Variants in EEIG2 observed in about 807,000 individuals in gnomAD.
The protein encoded by EEIG2 is family with sequence similarity 102 member B.
the EEIG2 span, among the ~76,000 whole-genome samples, chr1:108,633,658 A>G: frequency 2.6e-5 from 4 of 151,716 alleles, no homozygotes; most frequent in Non-Finnish European, 5.9e-5. Context: ...TGCTTTTAAG[A>G]TTTTCTGTTT....
chr1:108,601,598 G>A, the EEIG2 span, among the ~76,000 whole-genome samples: 6 of 151,960 alleles, frequency 3.9e-5, no homozygotes, highest in South Asian at 2.1e-4. Flanking sequence ...TAAATTAGGG[G>A]AAAATAGTCA....
the EEIG2 span, among the ~76,000 whole-genome samples, chr1:108,589,328 A>G: frequency 6.6e-6 from 1 of 152,132 alleles, no homozygotes; most frequent in Non-Finnish European, 1.5e-5. Context: ...CACTTTATGC[A>G]TATCCCCATT....
At chr1:108,602,133 C>A in the EEIG2 span, among the ~76,000 whole-genome samples, 2 of 152,188 alleles carry the variant, frequency 1.3e-5, no homozygotes, top group Non-Finnish European at 2.9e-5. Flanking sequence ...GTGAAGACTT[C>A]TCTGAAAGGT....
At chr1:108,612,289 C>A in the EEIG2 span, 1 of 1,594,958 alleles carries the variant, frequency 6.3e-7, no homozygotes, top group Admixed American at 1.7e-5. Context: ...TAATTCCATT[C>A]TTAAAGTAAG....
At chr1:108,603,495 A>T in the EEIG2 span, among the ~76,000 whole-genome samples, 23 of 152,196 alleles carry the variant, frequency 1.5e-4, no homozygotes, top group African/African-American at 5.3e-4. Flanking sequence ...CCCTTCTTGG[A>T]TGAAGGTGAT....
chr1:108,563,892 G>A, the EEIG2 span, among the ~76,000 whole-genome samples: 1 of 152,164 alleles, frequency 6.6e-6, no homozygotes, highest in Admixed American at 6.5e-5. Flanking sequence ...AAGCAAAAGA[G>A]TTAATTTACA....
At chr1:108,590,937 A>T in the EEIG2 span, among the ~76,000 whole-genome samples, 1 of 151,984 alleles carries the variant, frequency 6.6e-6, no homozygotes, top group Non-Finnish European at 1.5e-5. Context: ...GACTTTCTAG[A>T]TTTTCTTTGA....
chr1:108,635,656 A>G, the EEIG2 span: 1 of 152,494 alleles, frequency 6.6e-6, no homozygotes, highest in African/African-American at 2.4e-5. Context: ...AGCATTGTAT[A>G]AAGTGTGGGT....
At chr1:108,623,252 T>G in the EEIG2 span, among the ~76,000 whole-genome samples, 1 of 152,150 alleles carries the variant, frequency 6.6e-6, no homozygotes, top group African/African-American at 2.4e-5. Flanking sequence ...GGCAGATGGA[T>G]TGCTTGAACC....
At chr1:108,606,938 C>T in the EEIG2 span, among the ~76,000 whole-genome samples, 1 of 152,204 alleles carries the variant, frequency 6.6e-6, no homozygotes, top group Non-Finnish European at 1.5e-5. Context: ...GCTGAGATTA[C>T]AGGCGTTAAC....
chr1:108,629,539 A>G, the EEIG2 span: 4 of 1,232,694 alleles, frequency 3.2e-6, no homozygotes, highest in Non-Finnish European at 3.5e-6. Context: ...ATATTTGACA[A>G]TAGTCTAATA....
At chr1:108,584,822 A>C in the EEIG2 span, among the ~76,000 whole-genome samples, 1 of 152,130 alleles carries the variant, frequency 6.6e-6, no homozygotes, top group Non-Finnish European at 1.5e-5. Context: ...TGAATATCTT[A>C]TGTGGACAGT....
the EEIG2 span, among the ~76,000 whole-genome samples, chr1:108,588,000 C>G: frequency 6.6e-6 from 1 of 152,086 alleles, no homozygotes; most frequent in African/African-American, 2.4e-5. Flanking sequence ...AGCATAATAT[C>G]CTCCTGGTTC....
At chr1:108,616,303 A>G in the EEIG2 span, 2 of 898,582 alleles carry the variant, frequency 2.2e-6, no homozygotes, top group Middle Eastern at 2.1e-4. Context: ...CTTTCCCAAT[A>G]GAAAATATCG....
At chr1:108,579,608 A>G in the EEIG2 span, among the ~76,000 whole-genome samples, 1 of 150,946 alleles carries the variant, frequency 6.6e-6, no homozygotes, top group Non-Finnish European at 1.5e-5. Context: ...CATCTACAGA[A>G]CTCTCTACCC....
the EEIG2 span, chr1:108,628,035 G>T: frequency 4.2e-6 from 3 of 710,034 alleles, no homozygotes; most frequent in Admixed American, 7.4e-5. Context: ...GACTTAAAAG[G>T]ATGTCCCTCA....
At chr1:108,564,187 C>T in the EEIG2 span, among the ~76,000 whole-genome samples, 1 of 151,430 alleles carries the variant, frequency 6.6e-6, no homozygotes, top group Non-Finnish European at 1.5e-5. Context: ...GATTCTTGAA[C>T]TGAGTTGTTG....
the EEIG2 span, among the ~76,000 whole-genome samples, chr1:108,633,801 C>T: frequency 3.3e-5 from 5 of 152,124 alleles, no homozygotes; most frequent in African/African-American, 1.2e-4. Context: ...ATTCTCCAGC[C>T]ATTATTTTCC....
At chr1:108,625,219 G>A in the EEIG2 span, 3 of 153,146 alleles carry the variant, frequency 2.0e-5, no homozygotes, top group African/African-American at 7.2e-5. Flanking sequence ...GTTAGAGCCT[G>A]AAGTTTTGTA....
Sources: allele counts gnomAD v4.1 joint callset (sites outside exome capture counted in the v4.1 genomes callset), GRCh38; gene constraint gnomAD v4.1.1; transcripts MANE v1.5; gene names NCBI Gene and HGNC (gene_info 2026-07-23, HGNC 2026-07-21).